Variants in DIAPH2 observed in about 807,000 individuals in gnomAD.
The protein encoded by DIAPH2 is diaphanous related formin 2, also known as protein diaphanous homolog 2.
DIAPH2 carries 35 observed loss-of-function variants against 92.7 expected under a neutral mutation model. That is an observed-to-expected ratio of 0.38 (90% CI 0.29 to 0.50). DIAPH2 has a LOEUF of 0.50. Ranked by LOEUF, DIAPH2 falls within the 20% of genes least tolerant of loss-of-function variation. The probability of loss-of-function intolerance (pLI) is 0.94; values close to 1 mark genes in which losing one functional copy is unlikely to be tolerated. For synonymous variants in DIAPH2, 301 were observed against 280.4 expected, an observed-to-expected ratio of 1.07 and a Z score of -0.73; for missense variants, 701 against 819.5, an observed-to-expected ratio of 0.86 and a Z score of 1.77.
intron 26 of DIAPH2, among the ~76,000 whole-genome samples, chrX:97,510,144 A>G (rs1569414571): frequency 9.2e-6 from 1 of 109,109 alleles, no homozygotes; most frequent in Non-Finnish European, 1.9e-5. Flanking sequence ...AAGTGTTCCT[A>G]TTTCTCCACA....
chrX:96,859,089 A>G (rs2065056948), intron 4 of DIAPH2, among the ~76,000 whole-genome samples: 1 of 111,739 alleles, frequency 8.9e-6, no homozygotes, highest in South Asian at 3.7e-4. Context: ...TAAAATTTTA[A>G]ATTAAATATT....
At chrX:97,456,253 G>T (rs1222904208) in intron 26 of DIAPH2, among the ~76,000 whole-genome samples, 1 of 111,193 alleles carries the variant, frequency 9.0e-6, no homozygotes, top group Non-Finnish European at 1.9e-5. Context: ...CGGGCGTGGT[G>T]GCGGGCGCCT....
intron 23 of DIAPH2, among the ~76,000 whole-genome samples, chrX:97,297,076 CTTTTTTTTTTTTTTTTTT>C (rs57145821): frequency 1.4e-3 from 28 of 20,729 alleles, no homozygotes; most frequent in South Asian, 9.9e-3. Flanking sequence ...CAGGCCTGGC[CTTTTTTTTTTTTTTTTTT>C]TTTTTTTTTT....
At chrX:97,156,122 G>C (rs894723543) in intron 22 of DIAPH2, among the ~76,000 whole-genome samples, 9 of 112,159 alleles carry the variant, frequency 8.0e-5, no homozygotes, top group African/African-American at 2.3e-4. Flanking sequence ...TGAGCCAAAT[G>C]CCAGTGCAGC....
chrX:97,163,113 T>C (rs1403679143), intron 22 of DIAPH2, among the ~76,000 whole-genome samples: 2 of 111,514 alleles, frequency 1.8e-5, no homozygotes, highest in South Asian at 3.8e-4. Flanking sequence ...TCAATTTTTC[T>C]GTCTTTCCTA....
chrX:97,049,831 G>A (rs2066507807), intron 17 of DIAPH2, among the ~76,000 whole-genome samples: 1 of 111,119 alleles, frequency 9.0e-6, no homozygotes. Flanking sequence ...CAACAGAAAA[G>A]TGCTTCATAT....
At chrX:97,102,170 G>T (rs1487059434) in intron 20 of DIAPH2, among the ~76,000 whole-genome samples, 1 of 111,929 alleles carries the variant, frequency 8.9e-6, no homozygotes, top group African/African-American at 3.3e-5. Context: ...GAGTCAATTG[G>T]TATCTTTTTG....
chrX:97,249,277 C>T (rs780336974), intron 23 of DIAPH2, among the ~76,000 whole-genome samples: 1 of 111,560 alleles, frequency 9.0e-6, no homozygotes, highest in South Asian at 3.8e-4. Flanking sequence ...AAAGTAATTT[C>T]AAACCCTCAT....
intron 22 of DIAPH2, among the ~76,000 whole-genome samples, chrX:97,193,012 C>CTTTTCTTTT (rs1256888466): frequency 0.038 from 3,274 of 86,424 alleles, 280 homozygotes; most frequent in African/African-American, 0.15. Flanking sequence ...TTTTTCTTTT[C>CTTTTCTTTT]TTTTTTTTTT....
chrX:96,949,687 CAA>C (rs1167294262), intron 15 of DIAPH2, among the ~76,000 whole-genome samples: 164 of 40,312 alleles, frequency 4.1e-3, no homozygotes, highest in Middle Eastern at 0.021. Flanking sequence ...ACTAAAAATA[CAA>C]AAAAAAAAAA....
At chrX:97,159,285 A>G (rs62595788) in intron 22 of DIAPH2, among the ~76,000 whole-genome samples, 47,276 of 110,932 alleles carry the variant, frequency 0.43, 8,000 homozygotes, top group Non-Finnish European at 0.54. Flanking sequence ...TTAAATATGT[A>G]GTAAACATTT....
chrX:97,283,149 ATG>A (rs2068512401), intron 23 of DIAPH2, among the ~76,000 whole-genome samples: 1 of 111,912 alleles, frequency 8.9e-6, no homozygotes, highest in Non-Finnish European at 1.9e-5. Flanking sequence ...TACAACATGT[ATG>A]TGAGTATCAT....
intron 1 of DIAPH2, among the ~76,000 whole-genome samples, chrX:96,701,852 A>G (rs1224701454): frequency 8.9e-6 from 1 of 111,785 alleles, no homozygotes. Context: ...ACAGTATTTC[A>G]GGTGTTGTTC....
At chrX:97,084,017 T>C (rs2066765985) in intron 19 of DIAPH2, among the ~76,000 whole-genome samples, 1 of 111,767 alleles carries the variant, frequency 8.9e-6, no homozygotes. Context: ...CTTTTTTTTT[T>C]CCTTTACCAC....
chrX:96,819,749 GT>G (rs2064765269), intron 4 of DIAPH2, among the ~76,000 whole-genome samples: 1 of 112,201 alleles, frequency 8.9e-6, no homozygotes, highest in South Asian at 3.7e-4. Context: ...TTCTAATTCA[GT>G]ATTTGGAACT....
intron 4 of DIAPH2, among the ~76,000 whole-genome samples, chrX:96,825,580 A>G (rs1212250238): frequency 1.8e-5 from 2 of 110,941 alleles, no homozygotes; most frequent in Non-Finnish European, 3.8e-5. Flanking sequence ...TTTCCTTGTT[A>G]CATGAGAACA....
chrX:96,744,603 A>C (rs2147578130), intron 3 of DIAPH2, among the ~76,000 whole-genome samples: 1 of 112,124 alleles, frequency 8.9e-6, no homozygotes, highest in Non-Finnish European at 1.9e-5. Context: ...CTGATAATGG[A>C]ACATTGTCTG....
chrX:96,717,177 G>A (rs2063954697), intron 1 of DIAPH2, among the ~76,000 whole-genome samples: 1 of 111,989 alleles, frequency 8.9e-6, no homozygotes. Context: ...GACTGCTGTG[G>A]TCAGAAAATA....
chrX:96,788,744 G>A (rs781551663), intron 4 of DIAPH2, among the ~76,000 whole-genome samples: 153 of 111,915 alleles, frequency 1.4e-3, no homozygotes, highest in African/African-American at 4.5e-3. Context: ...CAAAGGATGC[G>A]TTTAATTTTT....
Sources: allele counts gnomAD v4.1 joint callset (sites outside exome capture counted in the v4.1 genomes callset), GRCh38; gene constraint gnomAD v4.1.1; transcripts MANE v1.5; gene names NCBI Gene and HGNC (gene_info 2026-07-23, HGNC 2026-07-21).